The following NICN1 variants were observed in gnomAD, a reference collection of about 807,000 sequenced individuals.
The protein encoded by NICN1 is nicolin-1.
A neutral mutation model predicts 26.3 loss-of-function variants in NICN1; 18 were observed. That is an observed-to-expected ratio of 0.68 (90% CI 0.47 to 1.01). The LOEUF is 1.01. NICN1 is among the 50% of genes least tolerant of loss of function. NICN1 has a pLI of 0.00. For missense variants in NICN1, 239 were observed against 278.3 expected (o/e 0.86, Z 1.00); for synonymous variants, 109 against 111.0 (o/e 0.98, Z 0.11).
At chr3:49,425,313 G>T in intron 4 of NICN1, 54 bp downstream of exon 4, 1 of 1,458,272 alleles carries the variant, frequency 6.9e-7, no homozygotes, top group Non-Finnish European at 9.5e-7. Flanking sequence ...TACCTGGCCT[G>T]TGTTGGACAC....
intron 1 of NICN1, among the ~76,000 whole-genome samples, chr3:49,428,251 C>T (rs2049190874): frequency 6.6e-6 from 1 of 151,258 alleles, no homozygotes; most frequent in Non-Finnish European, 1.5e-5. Flanking sequence ...ACAGGTGGGG[C>T]ACAGACACAG....
At chr3:49,428,716 G>A (rs940716837) in intron 1 of NICN1, among the ~76,000 whole-genome samples, 6 of 141,278 alleles carry the variant, frequency 4.2e-5, no homozygotes, top group African/African-American at 8.0e-5. Context: ...AGTGAACTCC[G>A]TCTCAAAAAA....
At chr3:49,425,481 C>A (rs1442886856) in intron 3 of NICN1, 43 bp from the exon 4 acceptor site, 1 of 1,520,892 alleles carries the variant, frequency 6.6e-7, no homozygotes, top group Non-Finnish European at 9.0e-7. Context: ...ACAAAGTGGA[C>A]AGCTCTGGGA....
Position 49,424,702 on chromosome 3 carries a change from G to C in NICN1, c.*131C>G. On this transcript the variant is annotated 3_prime_UTR_variant, in exon 6 of 6. Transcript: ENST00000273598. ...AAGCCCCTGAGAATCCTGAATCTGT[G>C]AATGTGGCCCAGACAGAACAGGCAT... is the stretch of plus-strand genomic sequence containing the variant. The C allele has an allele frequency of 1.3e-6, 1 of 773,000 alleles. No homozygotes were observed. The highest frequency in any genetic ancestry group is 2.3e-6 in the Non-Finnish European group (1 of 435,580). The allele number at this position is 773,000 out of a possible 1,614,324, so 47.9% of individuals were successfully genotyped here.
At chr3:49,428,551 G>A (rs780904843) in intron 1 of NICN1, among the ~76,000 whole-genome samples, 3 of 151,708 alleles carry the variant, frequency 2.0e-5, no homozygotes, top group Non-Finnish European at 4.4e-5. Context: ...GAGAAACCCT[G>A]TCTCTACTAA....
rs148743870 is a variant in NICN1, at chr3:49,425,964, T to C, written c.342A>G (p.Leu114=). Residue 114 remains leucine (L), a synonymous_variant, in exon 3 of 6, where the codon CTA becomes CTG. Transcript: ENST00000273598. The part of the protein sequence containing the change: ...MLCDMARISE[L]RLILRQPSPL... ...GTGATGGCTGCCGCAGAATCAGGCGTAGCTCCGATATTCTAGCCATGTCAC... is the reference window on the plus strand; with the variant it reads ...GTGATGGCTGCCGCAGAATCAGGCGCAGCTCCGATATTCTAGCCATGTCAC... The C allele has an allele frequency of 1.6e-4, 251 of 1,611,688 alleles. No homozygotes were observed. The highest frequency in any genetic ancestry group is 3.3e-4 in the Admixed American group (20 of 59,942).
chr3:49,422,881 T>G lies in NICN1; in HGVS notation c.*1952A>C. ...GCAGGTAGGCAGCACCACAGTAGTCTGTCCTCATGTGGACCCCTAGTTCCA... is the reference window on the plus strand; with the variant it reads ...GCAGGTAGGCAGCACCACAGTAGTCGGTCCTCATGTGGACCCCTAGTTCCA... On this transcript the variant is annotated 3_prime_UTR_variant, in exon 6 of 6. Coordinates refer to ENST00000273598, the MANE Select transcript of NICN1 (RefSeq NM_032316.3). 1 of 328,648 alleles carries G rather than the reference T, an allele frequency of 3.0e-6. No individual in the cohort carries two copies. 20.4% of individuals were successfully genotyped at this position (328,648 alleles called of 1,614,324 possible). A position where few individuals can be genotyped will look rare whatever the true frequency, so the allele number is the denominator to read the frequency against.
intron 1 of NICN1, among the ~76,000 whole-genome samples, chr3:49,427,672 G>C (rs1013426011): frequency 6.8e-6 from 1 of 147,284 alleles, no homozygotes; most frequent in Non-Finnish European, 1.5e-5. Flanking sequence ...AAGAAATGTA[G>C]ATAATGTAAA....
At chr3:49,426,588 C>G (rs947639201) in intron 1 of NICN1, among the ~76,000 whole-genome samples, 160 bp from the exon 2 acceptor site, 1 of 150,228 alleles carries the variant, frequency 6.7e-6, no homozygotes, top group Non-Finnish European at 1.5e-5. Flanking sequence ...AGTGCAGTAG[C>G]GTGATCTCAG....
chr3:49,427,886 G>T (rs1206165007), intron 1 of NICN1, among the ~76,000 whole-genome samples: 1 of 152,082 alleles, frequency 6.6e-6, no homozygotes, highest in Non-Finnish European at 1.5e-5. Flanking sequence ...CTTTAATTAA[G>T]TTTCCCATTT....
At position 49,429,268 on chromosome 3, in the gene NICN1, C is replaced by A; in HGVS notation, c.-29G>T. ...GACAGCAGCCGCAACTAAGTGCAAC[C>A]GCCGCTCTAGGCCCCCGACCACCAG... On this transcript the variant is annotated 5_prime_UTR_variant, in exon 1 of 6. Transcript: ENST00000273598. 6.4e-7 allele frequency: 1 copy of A among 1,573,734 alleles called. No individual in the cohort carries two copies. Among genetic ancestry groups the A allele is most frequent in the South Asian group, 1.1e-5 (1 of 87,466 alleles).
chr3:49,425,537 C>T (rs1022429384), intron 3 of NICN1, 99 bp from the exon 4 acceptor site: 9 of 972,954 alleles, frequency 9.3e-6, no homozygotes, highest in South Asian at 5.1e-5. Context: ...CGCTGGGCCT[C>T]AGACACTGGG....
In NICN1 at chr3:49,426,506, C is replaced by T. The variant is rs1159282820; in HGVS notation, c.133-78G>A. Reference sequence around the variant, plus strand: ...AAAAGCTCAAAGATCAAAGGTGCCACCTCTTCCTTCTCCCCACCTTTTCTT... The same window carrying T: ...AAAAGCTCAAAGATCAAAGGTGCCATCTCTTCCTTCTCCCCACCTTTTCTT... On this transcript the variant is annotated intron_variant, in intron 1 of 5. Coordinates refer to ENST00000273598, the MANE Select transcript of NICN1 (RefSeq NM_032316.3). 5.7e-6 allele frequency: 6 copies of T among 1,047,886 alleles called. No homozygotes were observed. The East Asian group carries it at 1.4e-4, about 25-fold the overall frequency. 64.9% of individuals were successfully genotyped at this position (1,047,886 alleles called of 1,614,324 possible).
Position 49,424,425 on chromosome 3 carries a change from C to T in NICN1, c.*408G>A. 1 of 278,278 alleles carries T rather than the reference C, an allele frequency of 3.6e-6. No individual in the cohort carries two copies. The highest frequency in any genetic ancestry group is 5.8e-5 in the South Asian group (1 of 17,128). 17.2% of individuals were successfully genotyped at this position (278,278 alleles called of 1,614,324 possible). ...GTTTCTTCCTCAAGTGTCCCAAGTG[C>T]CATGGCAGCAATGGCCTTCCAGGTC... is the stretch of plus-strand genomic sequence containing the variant. On this transcript the variant is annotated 3_prime_UTR_variant, in exon 6 of 6. Coordinates refer to ENST00000273598, the MANE Select transcript of NICN1 (RefSeq NM_032316.3).
chr3:49,425,462 C>T lies in NICN1; in HGVS notation c.424-24G>A, dbSNP rs779095792. 33 of 1,585,302 alleles carry T rather than the reference C, an allele frequency of 2.1e-5. 1 individual carries two copies. The South Asian group carries it at 3.8e-4, about 18-fold the overall frequency. On this transcript the variant is annotated intron_variant, in intron 3 of 5. Coordinates refer to ENST00000273598, the MANE Select transcript of NICN1 (RefSeq NM_032316.3). ...CTCTGCAAAGCAAAGATGTACTGCCCTGAGTGAGACAAAGTGGACAGCTCT... is the reference window on the plus strand; with the variant it reads ...CTCTGCAAAGCAAAGATGTACTGCCTTGAGTGAGACAAAGTGGACAGCTCT...
intron 1 of NICN1, among the ~76,000 whole-genome samples, chr3:49,427,411 C>T (rs1284817932): frequency 6.6e-6 from 1 of 151,300 alleles, no homozygotes. Context: ...GAGGCTGGGG[C>T]GGGTGGATCA....
At position 49,424,581 on chromosome 3, in the gene NICN1, T is replaced by C; in HGVS notation, c.*252A>G. 7 of 597,624 alleles carry C rather than the reference T, an allele frequency of 1.2e-5. No individual in the cohort carries two copies. The highest frequency in any genetic ancestry group is 2.1e-5 in the Non-Finnish European group (7 of 336,164). The allele number at this position is 597,624 out of a possible 1,614,324, so 37.0% of individuals were successfully genotyped here. ...CTCAGGGATTCTCAGTAAGTACAAC[T>C]GACTGGAGTGTTTTTGGGTAGAAGG... On this transcript the variant is annotated 3_prime_UTR_variant, in exon 6 of 6. Coordinates refer to ENST00000273598, the MANE Select transcript of NICN1 (RefSeq NM_032316.3).
intron 1 of NICN1, 117 bp from the exon 2 acceptor site, chr3:49,426,545 TGAGAGGAAA>T: frequency 4.0e-6 from 3 of 753,702 alleles, no homozygotes; most frequent in Non-Finnish European, 6.4e-6. Flanking sequence ...TTTTTTTTTT[TGAGAGGAAA>T]TCTTGCTCTT....
rs2049139838 is a variant in NICN1, at chr3:49,423,214, C to T, written c.*1619G>A. 6.5e-6 allele frequency: 1 copy of T among 153,974 alleles called. No homozygotes were observed. The highest frequency in any genetic ancestry group is 2.4e-5 in the African/African-American group (1 of 41,424). The allele number at this position is 153,974 out of a possible 1,614,324, so 9.5% of individuals were successfully genotyped here. On this transcript the variant is annotated 3_prime_UTR_variant, in exon 6 of 6. Coordinates refer to ENST00000273598, the MANE Select transcript of NICN1 (RefSeq NM_032316.3). ...AACTCCCCCGAGAAAACTGTTGAGC[C>T]ACACACATGTCCAACTTTCCAGGTC... is the stretch of plus-strand genomic sequence containing the variant.
Sources: gnomAD v4.1 joint callset for allele counts (sites outside exome capture counted in the v4.1 genomes callset) on GRCh38, gnomAD v4.1.1 for gene constraint, MANE v1.5 for transcripts, NCBI Gene and HGNC (gene_info 2026-07-23, HGNC 2026-07-21) for gene names.